The following ANK3 variants were observed in gnomAD, a reference collection of about 807,000 sequenced individuals.
The protein encoded by ANK3 is ankyrin-3.
Under a neutral mutation model 370.9 loss-of-function variants are expected in ANK3, and 57 were observed. The observed-to-expected ratio is 0.15, with a 90% CI of 0.12 to 0.19. The LOEUF is 0.19. Among genes scored for constraint, ANK3 ranks in the 10% least tolerant of loss-of-function variants. The pLI, the probability that ANK3 is intolerant of heterozygous loss-of-function variation, is 1.00. For synonymous variants in ANK3, 1,929 were observed against 1,946.3 expected (o/e 0.99, Z 0.23); for missense variants, 4,439 against 5,302.1 (o/e 0.84, Z 5.06).
At chr10:60,092,052 A>G (rs2088673148) in intron 28 of ANK3, among the ~76,000 whole-genome samples, 1 of 152,196 alleles carries the variant, frequency 6.6e-6, no homozygotes, top group African/African-American at 2.4e-5. Context: ...TTTATAAGAA[A>G]TATGTAGAAG....
intron 25 of ANK3, 149 bp downstream of exon 25, chr10:60,134,122 T>C: frequency 1.7e-6 from 1 of 573,406 alleles, no homozygotes; most frequent in Non-Finnish European, 2.9e-6. Context: ...TAGTACAACT[T>C]ATTTTTTTTT....
intron 2 of ANK3, among the ~76,000 whole-genome samples, chr10:60,510,475 C>G (rs2076050531): frequency 6.6e-6 from 1 of 152,150 alleles, no homozygotes; most frequent in Non-Finnish European, 1.5e-5. Context: ...CAAATATCCT[C>G]TTTAAAATAT....
chr10:60,659,154 T>C (rs1161136277), intron 1 of ANK3, among the ~76,000 whole-genome samples: 1 of 152,210 alleles, frequency 6.6e-6, no homozygotes, highest in African/African-American at 2.4e-5. Context: ...CTTTGTGATC[T>C]TGAGTTATGC....
chr10:60,064,064 T>C, intron 39 of ANK3, 93 bp downstream of exon 39: 1 of 1,221,890 alleles, frequency 8.2e-7, no homozygotes. Context: ...TACAGAAAAT[T>C]ACAACACTAC....
chr10:60,159,910 C>T (rs980270880), intron 23 of ANK3, among the ~76,000 whole-genome samples: 1 of 151,934 alleles, frequency 6.6e-6, no homozygotes, highest in African/African-American at 2.4e-5. Context: ...CTACGGGAGA[C>T]AGCAAAAGTA....
chr10:60,621,438 T>C (rs138510072), intron 1 of ANK3, among the ~76,000 whole-genome samples: 3 of 152,314 alleles, frequency 2.0e-5, no homozygotes, highest in East Asian at 3.9e-4. Flanking sequence ...TTAAACACAC[T>C]TGAATAAATG....
chr10:60,422,672 C>G (rs1313065128), intron 2 of ANK3, among the ~76,000 whole-genome samples: 1 of 151,976 alleles, frequency 6.6e-6, no homozygotes, highest in Non-Finnish European at 1.5e-5. Context: ...TTTTTTCCCT[C>G]CTAAGCTGTA....
At chr10:60,219,065 T>C (rs111247625) in intron 8 of ANK3, among the ~76,000 whole-genome samples, 6,291 of 151,656 alleles carry the variant, frequency 0.041, 420 homozygotes, top group African/African-American at 0.14. Flanking sequence ...TCTGCTTGGT[T>C]GATTTAGCTA....
intron 23 of ANK3, among the ~76,000 whole-genome samples, chr10:60,165,716 C>T (rs1281072769): frequency 6.6e-6 from 1 of 152,122 alleles, no homozygotes; most frequent in African/African-American, 2.4e-5. Context: ...ACTAGCAACA[C>T]TAAGACTAAC....
chr10:60,484,773 C>T (rs904732138), intron 2 of ANK3, among the ~76,000 whole-genome samples: 1 of 152,120 alleles, frequency 6.6e-6, no homozygotes, highest in Non-Finnish European at 1.5e-5. Context: ...TGAGTATTTC[C>T]CATTCCTGAC....
chr10:60,354,822 C>A (rs1381484446), intron 1 of ANK3, among the ~76,000 whole-genome samples: 2 of 152,122 alleles, frequency 1.3e-5, no homozygotes, highest in Admixed American at 6.5e-5. Flanking sequence ...TTATAATACA[C>A]GTTTATCTTA....
chr10:60,183,570 C>A (rs2096253472), intron 17 of ANK3, among the ~76,000 whole-genome samples: 1 of 152,012 alleles, frequency 6.6e-6, no homozygotes, highest in African/African-American at 2.4e-5. Flanking sequence ...TTAAAAATAG[C>A]ACTTAGGGCC....
At chr10:60,624,892 G>A (rs571874989) in intron 1 of ANK3, among the ~76,000 whole-genome samples, 177 of 152,240 alleles carry the variant, frequency 1.2e-3, no homozygotes, top group African/African-American at 4.1e-3. Context: ...GAACTAAGAA[G>A]GAAGATCTAG....
chr10:60,387,080 A>T (rs2062470877), intron 1 of ANK3, among the ~76,000 whole-genome samples: 1 of 152,128 alleles, frequency 6.6e-6, no homozygotes, highest in Admixed American at 6.5e-5. Context: ...GAATCATTTG[A>T]AGCCAGGAGG....
intron 1 of ANK3, among the ~76,000 whole-genome samples, chr10:60,297,454 TTTATG>T (rs1336188185): frequency 8.5e-5 from 13 of 152,222 alleles, no homozygotes; most frequent in Admixed American, 7.9e-4. Flanking sequence ...TACACTGAAA[TTTATG>T]TTATATTATC....
chr10:60,214,227 A>ACT (rs1396161744), intron 8 of ANK3, among the ~76,000 whole-genome samples: 14 of 152,166 alleles, frequency 9.2e-5, no homozygotes, highest in Non-Finnish European at 1.8e-4. Context: ...TGCTAGAATA[A>ACT]GACAGGGTTC....
chr10:60,616,889 A>G (rs1446914468), intron 1 of ANK3, among the ~76,000 whole-genome samples: 2 of 152,160 alleles, frequency 1.3e-5, no homozygotes, highest in Non-Finnish European at 2.9e-5. Flanking sequence ...TTTTTATTTC[A>G]TAGTGAAATG....
intron 2 of ANK3, among the ~76,000 whole-genome samples, chr10:60,451,111 T>C (rs1228038557): frequency 6.6e-6 from 1 of 152,070 alleles, no homozygotes; most frequent in East Asian, 1.9e-4. Flanking sequence ...AGGCAGAGAC[T>C]GGAGTGATGC....
chr10:60,300,525 G>A lies in ANK3; in HGVS notation c.115-20886C>T, dbSNP rs529402460. The A allele has an allele frequency of 9.8e-4, 1,194 of 1,221,712 alleles. 3 individuals carry two copies. Among genetic ancestry groups the A allele is most frequent in the Middle Eastern group, 4.2e-3 (13 of 3,096 alleles). 75.7% of individuals were successfully genotyped at this position (1,221,712 alleles called of 1,614,324 possible). A position where few individuals can be genotyped will look rare whatever the true frequency, so the allele number is the denominator to read the frequency against. On this transcript the variant is annotated intron_variant, in intron 1 of 43. Transcript: ENST00000280772. ...TAGAGTATTTAAATGGAGGGTGGGC[G>A]GGGCAGACAAGAGTACAGAATCCGC... is the stretch of plus-strand genomic sequence containing the variant.
Sources: gnomAD v4.1 joint callset for allele counts (sites outside exome capture counted in the v4.1 genomes callset) on GRCh38, gnomAD v4.1.1 for gene constraint, MANE v1.5 for transcripts, NCBI Gene and HGNC (gene_info 2026-07-23, HGNC 2026-07-21) for gene names.